OXR1: variants seen among roughly 807,000 people sequenced by gnomAD.
The protein encoded by OXR1 is oxidation resistance protein 1.
OXR1 carries 41 observed loss-of-function variants against 104.6 expected under a neutral mutation model. That is an observed-to-expected ratio of 0.39 (90% CI 0.31 to 0.51). The LOEUF (loss-of-function observed/expected upper bound fraction) is 0.51, where lower values mean the gene tolerates loss of function less well. OXR1 is among the 20% of genes least tolerant of loss of function. The pLI is 0.77. For synonymous variants in OXR1, 348 were observed against 348.4 expected, an observed-to-expected ratio of 1.00 and a Z score of 0.01; for missense variants, 955 against 1,031.9, an observed-to-expected ratio of 0.93 and a Z score of 1.02.
intron 3 of OXR1, among the ~76,000 whole-genome samples, chr8:106,561,697 A>G (rs1248614110): frequency 3.9e-5 from 6 of 152,148 alleles, no homozygotes; most frequent in South Asian, 4.1e-4. Flanking sequence ...CCTCCCAGCA[A>G]TGGTCGACAG....
chr8:106,546,454 G>A (rs1586789977), intron 3 of OXR1, among the ~76,000 whole-genome samples: 2 of 152,170 alleles, frequency 1.3e-5, no homozygotes, highest in African/African-American at 4.8e-5. Flanking sequence ...TCTGAGACAG[G>A]TCTCAATCAA....
chr8:106,633,180 C>T (rs569649958), intron 3 of OXR1, among the ~76,000 whole-genome samples: 5 of 151,784 alleles, frequency 3.3e-5, no homozygotes, highest in South Asian at 2.1e-4. Context: ...TGCAGTGAGC[C>T]GAGATTGCGC....
chr8:106,477,922 T>A (rs538093576), intron 2 of OXR1, among the ~76,000 whole-genome samples: 2 of 152,074 alleles, frequency 1.3e-5, no homozygotes, highest in South Asian at 4.2e-4. Context: ...GCTGTTATTG[T>A]TTGTTATTGA....
chr8:106,600,223 A>G lies in OXR1; in HGVS notation c.221-78987A>G, dbSNP rs114868586. Among the ~76,000 whole-genome samples the G allele has an allele frequency of 6.1e-3, 926 of 152,332 alleles. 11 individuals carry two copies. Among genetic ancestry groups the G allele is most frequent in the African/African-American group, 0.021 (863 of 41,570 alleles). On this transcript the variant is annotated intron_variant, in intron 3 of 16. Transcript: ENST00000517566. The stretch of plus-strand genomic sequence containing the variant: ...GTAAGTAATAGGAGTAATGGAAACC[A>G]TGGGAATTTGAGAGCATATGTCCTA...
chr8:106,389,911 C>G (rs1344996765), intron 2 of OXR1, among the ~76,000 whole-genome samples: 1 of 151,962 alleles, frequency 6.6e-6, no homozygotes, highest in African/African-American at 2.4e-5. Flanking sequence ...ACTAAAAATA[C>G]AAAAATTAGC....
intron 2 of OXR1, among the ~76,000 whole-genome samples, chr8:106,375,783 G>A (rs1451985237): frequency 6.6e-6 from 1 of 152,154 alleles, no homozygotes; most frequent in Non-Finnish European, 1.5e-5. Context: ...GAAAAGCAAA[G>A]CCCAGTGTTA....
intron 2 of OXR1, among the ~76,000 whole-genome samples, chr8:106,503,992 A>G (rs1404441230): frequency 6.6e-6 from 1 of 152,170 alleles, no homozygotes; most frequent in African/African-American, 2.4e-5. Flanking sequence ...CTCCTAAAAT[A>G]TCCCACCCAA....
chr8:106,582,162 A>AT (rs201125017), intron 3 of OXR1, among the ~76,000 whole-genome samples: 1 of 132,122 alleles, frequency 7.6e-6, no homozygotes, highest in Non-Finnish European at 1.6e-5. Flanking sequence ...AGCAAGACAG[A>AT]TTTTTTTCTA....
At chr8:106,416,832 A>G (rs1243548963) in intron 2 of OXR1, among the ~76,000 whole-genome samples, 3 of 152,096 alleles carry the variant, frequency 2.0e-5, no homozygotes, top group Non-Finnish European at 1.5e-5. Flanking sequence ...TTATTTCACC[A>G]TTGCTTATCT....
intron 1 of OXR1, among the ~76,000 whole-genome samples, chr8:106,328,874 T>A (rs1273025913): frequency 6.6e-6 from 1 of 152,154 alleles, no homozygotes; most frequent in Admixed American, 6.5e-5. Flanking sequence ...CAGGGCCATT[T>A]CCCTTTTTCA....
At chr8:106,713,358 C>T (rs1351710499) in intron 10 of OXR1, among the ~76,000 whole-genome samples, 1 of 151,910 alleles carries the variant, frequency 6.6e-6, no homozygotes, top group African/African-American at 2.4e-5. Flanking sequence ...TGTCTCTCAA[C>T]ACTGTATGTT....
chr8:106,501,411 G>A (rs1811799524), intron 2 of OXR1, among the ~76,000 whole-genome samples: 1 of 152,238 alleles, frequency 6.6e-6, no homozygotes. Context: ...ATCTTGCAGA[G>A]TATGGTGAGT....
rs947854036 is a variant in OXR1, at chr8:106,447,543, C to T, written c.24-71400C>T. On this transcript the variant is annotated intron_variant, in intron 2 of 16. Coordinates refer to ENST00000517566, the MANE Select transcript of OXR1 (RefSeq NM_001198533.2). Reference sequence around the variant, plus strand: ...CCCTTAGAGTCCACTGTGAGATTAACGAAGTCATGCATTTAAATCACTTAC... The same window carrying T: ...CCCTTAGAGTCCACTGTGAGATTAATGAAGTCATGCATTTAAATCACTTAC... 2.1e-4 allele frequency among the ~76,000 whole-genome samples: 32 copies of T among 152,112 alleles called. 1 individual carries two copies. Among genetic ancestry groups the T allele is most frequent in the Admixed American group, 1.6e-3 (24 of 15,272 alleles).
intron 1 of OXR1, among the ~76,000 whole-genome samples, chr8:106,286,796 T>C (rs1404654893): frequency 6.6e-6 from 1 of 152,186 alleles, no homozygotes; most frequent in Admixed American, 6.5e-5. Context: ...CTAAGGTCTA[T>C]TGTTCAACGA....
At chr8:106,362,738 A>C (rs1443607365) in intron 2 of OXR1, among the ~76,000 whole-genome samples, 2 of 152,190 alleles carry the variant, frequency 1.3e-5, no homozygotes, top group Non-Finnish European at 2.9e-5. Flanking sequence ...GTTGCAGAAA[A>C]CTACGAATAA....
At chr8:106,311,946 T>C (rs575302697) in intron 1 of OXR1, among the ~76,000 whole-genome samples, 1 of 152,250 alleles carries the variant, frequency 6.6e-6, no homozygotes, top group East Asian at 1.9e-4. Context: ...TTTCCCTTCT[T>C]ATTCTCATTG....
At chr8:106,322,238 T>C (rs1814254362) in intron 1 of OXR1, among the ~76,000 whole-genome samples, 1 of 152,178 alleles carries the variant, frequency 6.6e-6, no homozygotes, top group Admixed American at 6.5e-5. Context: ...GCAAGGTTGG[T>C]TCAACATACA....
At chr8:106,544,156 C>T (rs562512001) in intron 3 of OXR1, among the ~76,000 whole-genome samples, 1 of 151,818 alleles carries the variant, frequency 6.6e-6, no homozygotes, top group South Asian at 2.1e-4. Flanking sequence ...TGTTTATGTA[C>T]CCACTCTTAT....
At chr8:106,629,087 C>T (rs564842900) in intron 3 of OXR1, among the ~76,000 whole-genome samples, 1 of 152,076 alleles carries the variant, frequency 6.6e-6, no homozygotes, top group African/African-American at 2.4e-5. Flanking sequence ...TACTTCATTC[C>T]TCTCCCCCAC....
Sources: gnomAD v4.1 joint callset for allele counts (sites outside exome capture counted in the v4.1 genomes callset) on GRCh38, gnomAD v4.1.1 for gene constraint, MANE v1.5 for transcripts, NCBI Gene and HGNC (gene_info 2026-07-23, HGNC 2026-07-21) for gene names.